The following PRX variants were observed in gnomAD, a reference collection of about 807,000 sequenced individuals.
PRX encodes the protein periaxin.
PRX carries 24 observed loss-of-function variants against 29.6 expected under a neutral mutation model. The observed-to-expected ratio is 0.81, with a 90% CI of 0.59 to 1.14. PRX has a LOEUF of 1.14. Ranked by LOEUF, PRX falls within the 50% of genes most tolerant of loss-of-function variation. The pLI, the probability that PRX is intolerant of heterozygous loss-of-function variation, is 0.00. For synonymous variants in PRX, 772 were observed against 831.7 expected (o/e 0.93, Z 1.24); for missense variants, 1,838 against 1,926.4 (o/e 0.95, Z 0.86).
rs1299781980 is a variant in PRX at position 40,394,602 on chromosome 19, C to A, written c.3750G>T (p.Leu1250=). The A allele has an allele frequency of 6.8e-6, 11 of 1,608,194 alleles. No homozygotes were observed. Among genetic ancestry groups the A allele is most frequent in the Admixed American group, 3.3e-5 (2 of 59,936 alleles). Residue 1250 remains leucine (L), a synonymous_variant, in exon 7 of 7, where the codon CTG becomes CTT. Coordinates refer to ENST00000324001, the MANE Select transcript of PRX (RefSeq NM_181882.3). The surrounding 1 kb of genome is among the most constrained non-coding windows in gnomAD (Gnocchi z 5.8). ...CGCCCCCCACCCTAGCTCTGGCCCC[C>A]AGTGTGGGCAACTTCAGCCTCAGCC... The part of the protein sequence containing the change: ...EGGLRLKLPT[L]GARARVGGEG...
rs1390064339 is a variant in PRX, at chr19:40,395,093, C to T, written c.3259G>A (p.Ala1087Thr). The part of the protein sequence containing the change: ...QGDRASPGEK[A>T]ESTAVQLKIP... ...TTAAGCTGCACAGCGGTGGACTCAG[C>T]CTTTTCCCCCGGGCTGGCACGATCA... Residue 1087 changes from alanine to threonine, a missense_variant, in exon 7 of 7, where the codon GCT (alanine) becomes ACT (threonine). By Grantham distance (58) the Ala-to-Thr change is moderately conservative. Transcript: ENST00000324001. 1 of 1,613,744 alleles carries T rather than the reference C, an allele frequency of 6.2e-7. No homozygotes were observed.
At position 40,402,606 on chromosome 19, in the gene PRX, C is replaced by T. The variant is rs183574125; in HGVS notation, c.184+1100G>A. Among the ~76,000 whole-genome samples the T allele has an allele frequency of 5.1e-3, 776 of 150,758 alleles. 7 individuals are homozygous for T. The highest frequency in any genetic ancestry group is 0.018 in the African/African-American group (746 of 40,952). Reference sequence around the variant, plus strand: ...CTAACACGGTGAAACCTCGTCTCTACTAAAAATACAAAAAATTAGCCGGGC... The same window carrying T: ...CTAACACGGTGAAACCTCGTCTCTATTAAAAATACAAAAAATTAGCCGGGC... On this transcript the variant is annotated intron_variant, in intron 5 of 6. Coordinates refer to ENST00000324001, the MANE Select transcript of PRX (RefSeq NM_181882.3).
Position 40,398,182 on chromosome 19 carries a change from G to C in PRX, c.382-212C>G. ...AGGATCTCCAAATGAGTCAACAGGAGTGTAGGGACGGGGACCCAAGACTTC... is the reference window on the plus strand; with the variant it reads ...AGGATCTCCAAATGAGTCAACAGGACTGTAGGGACGGGGACCCAAGACTTC... On this transcript the variant is annotated intron_variant, in intron 6 of 6. Coordinates refer to ENST00000324001, the MANE Select transcript of PRX (RefSeq NM_181882.3). This position sits in a 1 kb window ranked among gnomAD's most constrained non-coding sequence, Gnocchi z 6.3. 4.2e-6 allele frequency: 6 copies of C among 1,426,008 alleles called. No homozygotes were observed. 88.3% of individuals were successfully genotyped at this position (1,426,008 alleles called of 1,614,324 possible).
rs1415344318 is a variant in PRX at position 40,397,028 on chromosome 19, C to G, written c.1324G>C (p.Val442Leu). 6.2e-7 allele frequency: 1 copy of G among 1,614,144 alleles called. No individual in the cohort carries two copies. The highest frequency in any genetic ancestry group is 1.7e-5 in the Admixed American group (1 of 60,022). The part of the protein sequence containing the change: ...PEVKVPKGPE[V>L]KLPKAPEVKL... Reference sequence around the variant, plus strand: ...ACCTCAGGAGCCTTGGGGAGCTTCACTTCAGGTCCCTTGGGCACCTTGACC... The same window carrying G: ...ACCTCAGGAGCCTTGGGGAGCTTCAGTTCAGGTCCCTTGGGCACCTTGACC... Residue 442 changes from valine to leucine, a missense_variant, in exon 7 of 7, where the codon GTG (valine) becomes CTG (leucine). This residue lies in a region of PRX where 666 missense variants were observed against 665.0 expected (regional missense o/e 1.00). Coordinates refer to ENST00000324001, the MANE Select transcript of PRX (RefSeq NM_181882.3).
chr19:40,402,641 G>A (rs1424267289), intron 5 of PRX, among the ~76,000 whole-genome samples: 2 of 151,350 alleles, frequency 1.3e-5, no homozygotes, highest in Non-Finnish European at 1.5e-5. Flanking sequence ...CGTGGTTGTG[G>A]GCGCCTGTAG....
rs144305922 is a variant in PRX at position 40,396,806 on chromosome 19, G to A, written c.1546C>T (p.Arg516Trp). Residue 516 changes from arginine (R) to tryptophan (W), a missense_variant, in exon 7 of 7, where the codon CGG becomes TGG. Transcript: ENST00000324001. ...TTCAGCAGCTGTACCTCTGGAAGCC[G>A]CACCTCCGGCACAGCCATCTCTGGC... ...KVPEMAVPEV[R>W]LPEVQLLKVS... 8.4e-5 allele frequency: 135 copies of A among 1,613,544 alleles called. 1 individual carries two copies. The Middle Eastern group carries it at 2.1e-3, about 26-fold the overall frequency.
intron 1 of PRX, among the ~76,000 whole-genome samples, chr19:40,409,336 G>A (rs2079547776): frequency 6.6e-6 from 1 of 151,972 alleles, no homozygotes; most frequent in Non-Finnish European, 1.5e-5. Flanking sequence ...CTTCAGTTAT[G>A]TTGTCTATAA....
chr19:40,412,080 G>T (rs1428765423), intron 1 of PRX, among the ~76,000 whole-genome samples: 1 of 152,196 alleles, frequency 6.6e-6, no homozygotes, highest in Non-Finnish European at 1.5e-5. Context: ...GGCTGCTGAG[G>T]GATCGGCTGA....
chr19:40,414,760 G>A (rs925971156), upstream of PRX, among the ~76,000 whole-genome samples: 47 of 152,102 alleles, frequency 3.1e-4, 2 homozygotes, highest in Non-Finnish European at 5.9e-5. Context: ...GAACCCACCC[G>A]GCTGCTGCCT....
At chr19:40,412,204 A>G (rs893770609) in intron 1 of PRX, among the ~76,000 whole-genome samples, 1 of 152,052 alleles carries the variant, frequency 6.6e-6, no homozygotes, top group Non-Finnish European at 1.5e-5. Flanking sequence ...TCTCATAGCA[A>G]TGGGGGTCAG....
At chr19:40,399,850 C>CCTTCCTTTCTTTCTTT (rs1304936980) in intron 5 of PRX, among the ~76,000 whole-genome samples, 39 of 119,738 alleles carry the variant, frequency 3.3e-4, no homozygotes, top group East Asian at 3.2e-3. Context: ...AGCTTTCTTT[C>CCTTCCTTTCTTTCTTT]CTTTCTTTCT....
At chr19:40,410,474 TTC>T (rs2079553478) in intron 1 of PRX, among the ~76,000 whole-genome samples, 1 of 152,120 alleles carries the variant, frequency 6.6e-6, no homozygotes, top group Non-Finnish European at 1.5e-5. Context: ...GTAAGAGGGC[TTC>T]TCTCTGCATC....
upstream of PRX, among the ~76,000 whole-genome samples, chr19:40,413,697 T>A (rs376029615): frequency 7.2e-5 from 11 of 152,308 alleles, no homozygotes; most frequent in East Asian, 1.7e-3. Context: ...CCTGGCCAAC[T>A]GCCTCTACTG....
In PRX at chr19:40,394,213, C is replaced by T. The variant is rs142978341; in HGVS notation, c.4139G>A (p.Arg1380His). Residue 1380 changes from arginine to histidine, a missense_variant, in exon 7 of 7, where the codon CGT (arginine) becomes CAT (histidine). By Grantham distance (29) the Arg-to-His change is conservative. Transcript: ENST00000324001. The surrounding 1 kb of genome is among the most constrained non-coding windows in gnomAD (Gnocchi z 5.8). The part of the protein sequence containing the change: ...RRGRVRVRLP[R>H]VGLAAPSKAS... The stretch of plus-strand genomic sequence containing the variant: ...TTTAGAAGGGGCCGCCAGGCCTACA[C>T]GTGGCAAGCGGACCCGGACCCGGCC... 8.1e-6 allele frequency: 13 copies of T among 1,598,392 alleles called. No individual in the cohort carries two copies. In the African/African-American group the frequency reaches 1.1e-4, roughly 13 times the overall value.
rs756439826 is a variant in PRX, at chr19:40,397,037, C to T, written c.1315G>A (p.Gly439Arg). 5.6e-6 allele frequency: 9 copies of T among 1,613,984 alleles called. No homozygotes were observed. The highest frequency in any genetic ancestry group is 2.2e-5 in the South Asian group (2 of 91,092). ...GCCTTGGGGAGCTTCACTTCAGGTC[C>T]CTTGGGCACCTTGACCTCGGGCCCT... is the stretch of plus-strand genomic sequence containing the variant. ...VSGPEVKVPK[G>R]PEVKLPKAPE... The change falls in exon 7 of 7, where the codon GGA (glycine) becomes AGA (arginine). Residue 439 changes from glycine to arginine, a missense_variant. Physicochemically the swap from Gly to Arg is moderately radical, Grantham distance 125. Transcript: ENST00000324001.
upstream of PRX, among the ~76,000 whole-genome samples, chr19:40,413,748 A>G (rs1379443933): frequency 6.6e-6 from 1 of 152,146 alleles, no homozygotes; most frequent in African/African-American, 2.4e-5. Context: ...CTTGGGTTCA[A>G]ATCGCAGCGC....
chr19:40,404,042 G>A (rs1030566414), intron 4 of PRX, among the ~76,000 whole-genome samples, 180 bp from the exon 5 acceptor site: 3 of 152,192 alleles, frequency 2.0e-5, no homozygotes, highest in African/African-American at 4.8e-5. Context: ...GGGCCCAAGG[G>A]ATCCTCCCGC....
At chr19:40,403,944 CATATACATATATATGTTTAT>C in intron 4 of PRX, 82 bp from the exon 5 acceptor site, 1 of 1,422,860 alleles carries the variant, frequency 7.0e-7, no homozygotes, top group Non-Finnish European at 9.6e-7. Flanking sequence ...AACAGTGGCT[CATATACATATATATGTTTAT>C]ATATATTTAG....
At chr19:40,414,707 C>A (rs371259541), upstream of PRX, among the ~76,000 whole-genome samples, 2 of 152,112 alleles carry the variant, frequency 1.3e-5, no homozygotes, top group African/African-American at 4.8e-5. Flanking sequence ...CACCAGACCC[C>A]GGGGGGCGGC....
Sources: gnomAD v4.1 joint callset for allele counts (sites outside exome capture counted in the v4.1 genomes callset) on GRCh38, gnomAD v4.1.1 for gene constraint, gnomAD v4.1.1 regional missense constraint, Gnocchi (gnomAD v3.1) non-coding constraint, MANE v1.5 for transcripts, NCBI Gene and HGNC (gene_info 2026-07-23, HGNC 2026-07-21) for gene names.